The following UBE2D1 variants were observed in gnomAD, a reference collection of about 807,000 sequenced individuals.
UBE2D1 encodes the protein ubiquitin conjugating enzyme E2 D1.
A neutral mutation model predicts 24.6 loss-of-function variants in UBE2D1; 9 were observed. That is an observed-to-expected ratio of 0.37 (90% CI 0.22 to 0.64). The LOEUF (loss-of-function observed/expected upper bound fraction) is 0.64. UBE2D1 is among the 30% of genes least tolerant of loss of function. The pLI, the probability that UBE2D1 is intolerant of heterozygous loss-of-function variation, is 0.64. For synonymous variants in UBE2D1, 57 were observed against 57.6 expected (o/e 0.99, Z 0.04); for missense variants, 87 against 177.1 (o/e 0.49, Z 2.89).
chr10:58,351,650 T>C (rs1840078559), intron 1 of UBE2D1, among the ~76,000 whole-genome samples: 1 of 152,226 alleles, frequency 6.6e-6, no homozygotes, highest in Non-Finnish European at 1.5e-5. Context: ...TTTTTTATTT[T>C]ATAAGTAGAA....
chr10:58,344,748 T>C (rs1839997720), intron 1 of UBE2D1, among the ~76,000 whole-genome samples: 1 of 152,236 alleles, frequency 6.6e-6, no homozygotes, highest in South Asian at 2.1e-4. Flanking sequence ...AACGTGGTTC[T>C]CTAATTCCAT....
At chr10:58,355,609 G>A (rs1840123411) in intron 1 of UBE2D1, among the ~76,000 whole-genome samples, 1 of 152,142 alleles carries the variant, frequency 6.6e-6, no homozygotes. Flanking sequence ...GGCATGGGGA[G>A]TACAGGAAAA....
At chr10:58,356,253 A>G (rs1467198072) in intron 1 of UBE2D1, among the ~76,000 whole-genome samples, 1 of 152,168 alleles carries the variant, frequency 6.6e-6, no homozygotes, top group Non-Finnish European at 1.5e-5. Context: ...AGAGATAACT[A>G]CCATTAACAA....
intron 1 of UBE2D1, among the ~76,000 whole-genome samples, chr10:58,353,224 T>C (rs1840096517): frequency 6.6e-6 from 1 of 152,072 alleles, no homozygotes; most frequent in East Asian, 1.9e-4. Flanking sequence ...CTTGGAGGGG[T>C]ATAGTTGGGA....
chr10:58,351,635 G>A (rs573066044), intron 1 of UBE2D1, among the ~76,000 whole-genome samples: 7 of 152,224 alleles, frequency 4.6e-5, no homozygotes, highest in Non-Finnish European at 7.4e-5. Flanking sequence ...CTGTTTTACC[G>A]TTCTTTTTTT....
At chr10:58,364,701 ATTGGTTC>A in intron 4 of UBE2D1, 63 bp from the exon 5 acceptor site, 1 of 1,160,710 alleles carries the variant, frequency 8.6e-7, no homozygotes, top group Non-Finnish European at 1.3e-6. Context: ...CCTAGAGCAA[ATTGGTTC>A]TGTTTTATTC....
intron 5 of UBE2D1, among the ~76,000 whole-genome samples, chr10:58,365,199 T>C (rs1840242163): frequency 6.6e-6 from 1 of 152,170 alleles, no homozygotes; most frequent in Non-Finnish European, 1.5e-5. Context: ...GCCCGGGCAC[T>C]GTGGCTCATG....
At chr10:58,358,784 G>A (rs1461372197) in intron 1 of UBE2D1, among the ~76,000 whole-genome samples, 1 of 147,954 alleles carries the variant, frequency 6.8e-6, no homozygotes, top group East Asian at 2.0e-4. Flanking sequence ...TTTTTTAAAT[G>A]CGGTCTTGCT....
intron 1 of UBE2D1, chr10:58,360,943 C>T (rs1176218339): frequency 2.2e-6 from 1 of 455,536 alleles, no homozygotes; most frequent in East Asian, 6.9e-5. Flanking sequence ...AAAAGTTATC[C>T]TGAAGTATTA....
chr10:58,347,116 C>G (rs980281431), intron 1 of UBE2D1, among the ~76,000 whole-genome samples: 1 of 152,178 alleles, frequency 6.6e-6, no homozygotes, highest in African/African-American at 2.4e-5. Flanking sequence ...TTATCCTAAA[C>G]TACCTCTCCT....
rs949490770 is a variant in UBE2D1 at position 58,368,996 on chromosome 10, G to T, written c.*231G>T. ...TGCATTGAGAAAGACATTTATTATG[G>T]TTTTTAAGATACTTGGACATCTGCA... On this transcript the variant is annotated 3_prime_UTR_variant, in exon 7 of 7. Transcript: ENST00000373910. 1 of 293,412 alleles carries T rather than the reference G, an allele frequency of 3.4e-6. No individual in the cohort carries two copies. Among genetic ancestry groups the T allele is most frequent in the African/African-American group, 2.2e-5 (1 of 46,144 alleles). 18.2% of individuals were successfully genotyped at this position (293,412 alleles called of 1,614,324 possible). A position where few individuals can be genotyped will look rare whatever the true frequency, so the allele number is the denominator to read the frequency against.
chr10:58,356,035 G>GA (rs903521809), intron 1 of UBE2D1, among the ~76,000 whole-genome samples: 10 of 151,206 alleles, frequency 6.6e-5, no homozygotes, highest in African/African-American at 1.9e-4. Context: ...ATATGTAGAG[G>GA]AAAAAAAACC....
chr10:58,356,488 T>C (rs1046226212), intron 1 of UBE2D1, among the ~76,000 whole-genome samples: 10 of 152,154 alleles, frequency 6.6e-5, no homozygotes, highest in Admixed American at 2.6e-4. Context: ...CATTCTCTTA[T>C]TGATGGACCT....
At chr10:58,349,515 T>G (rs1374889695) in intron 1 of UBE2D1, among the ~76,000 whole-genome samples, 1 of 152,246 alleles carries the variant, frequency 6.6e-6, no homozygotes, top group Non-Finnish European at 1.5e-5. Flanking sequence ...AGTGTGCTTC[T>G]ATAATGAATT....
chr10:58,348,965 C>T lies in UBE2D1; in HGVS notation c.25-12373C>T, dbSNP rs139156626. 2.5e-3 allele frequency among the ~76,000 whole-genome samples: 381 copies of T among 152,272 alleles called. 1 individual carries two copies. Among genetic ancestry groups the T allele is most frequent in the African/African-American group, 8.7e-3 (361 of 41,552 alleles). On this transcript the variant is annotated intron_variant, in intron 1 of 6. Coordinates refer to ENST00000373910, the MANE Select transcript of UBE2D1 (RefSeq NM_003338.5). ...GTGTCTAGGTTGGTTTTATGGAGAA[C>T]ACTCAGCATATTGTGGGGGTGTTAT...
chr10:58,365,999 G>A lies in UBE2D1; in HGVS notation c.304+1123G>A, dbSNP rs901211352. 2.6e-5 allele frequency among the ~76,000 whole-genome samples: 4 copies of A among 152,256 alleles called. 1 individual carries two copies. Among genetic ancestry groups the A allele is most frequent in the Admixed American group, 2.6e-4 (4 of 15,306 alleles). On this transcript the variant is annotated intron_variant, in intron 5 of 6. Coordinates refer to ENST00000373910, the MANE Select transcript of UBE2D1 (RefSeq NM_003338.5). ...AACGATAGTTTTTCTGACCTAAGAT[G>A]CTCATCTACAGTATTCATATAGATT...
chr10:58,367,810 TTA>T, intron 5 of UBE2D1, 111 bp from the exon 6 acceptor site: 1 of 521,150 alleles, frequency 1.9e-6, no homozygotes, highest in East Asian at 3.1e-5. Flanking sequence ...TGTGTTCATT[TTA>T]TGTTTTTTTT....
Position 58,361,341 on chromosome 10 carries a change from T to C in UBE2D1, c.28T>C (p.Leu10=). 1.2e-6 allele frequency: 2 copies of C among 1,614,194 alleles called. No individual in the cohort carries two copies. The highest frequency in any genetic ancestry group is 1.3e-5 in the African/African-American group (1 of 75,056). MALKRIQKE[L]SDLQRDPPAH... ...ACATATTTTTGATTTCCTTCAGGAATTGAGTGATCTACAGCGCGATCCACC... is the reference window on the plus strand; with the variant it reads ...ACATATTTTTGATTTCCTTCAGGAACTGAGTGATCTACAGCGCGATCCACC... Residue 10 remains leucine, a synonymous_variant, in exon 2 of 7, where the codon TTG becomes CTG. Coordinates refer to ENST00000373910, the MANE Select transcript of UBE2D1 (RefSeq NM_003338.5).
intron 1 of UBE2D1, among the ~76,000 whole-genome samples, chr10:58,352,932 CT>C (rs1840092908): frequency 1.3e-5 from 2 of 152,218 alleles, no homozygotes; most frequent in Non-Finnish European, 2.9e-5. Context: ...GTATTCTAAA[CT>C]TTAGTGACAC....
Sources: allele counts gnomAD v4.1 joint callset (sites outside exome capture counted in the v4.1 genomes callset), GRCh38; gene constraint gnomAD v4.1.1; transcripts MANE v1.5; gene names NCBI Gene and HGNC (gene_info 2026-07-23, HGNC 2026-07-21).